The following GLIS3 variants were observed in gnomAD, a reference collection of about 807,000 sequenced individuals.
GLIS3 encodes zinc finger protein GLIS3.
A neutral mutation model predicts 78.6 loss-of-function variants in GLIS3; 53 were observed. The ratio of observed to expected loss-of-function variants is 0.67; its 90% CI spans 0.54 to 0.85. The LOEUF is 0.85. Among genes scored for constraint, GLIS3 ranks in the 40% least tolerant of loss-of-function variants. The probability of loss-of-function intolerance (pLI) is 0.00; values close to 1 mark genes in which losing one functional copy is unlikely to be tolerated. For synonymous variants in GLIS3, 684 were observed against 509.9 expected, an observed-to-expected ratio of 1.34 and a Z score of -4.60; for missense variants, 1,703 against 1,231.1, an observed-to-expected ratio of 1.38 and a Z score of -5.74.
intron 2 of GLIS3, among the ~76,000 whole-genome samples, chr9:4,195,278 G>T (rs951442827): frequency 2.0e-5 from 3 of 152,214 alleles, no homozygotes. Context: ...TGCTCCCTTG[G>T]CTTGCAGGGA....
At chr9:4,458,653 T>C in the GLIS3 span, among the ~76,000 whole-genome samples, 2 of 152,124 alleles carry the variant, frequency 1.3e-5, no homozygotes, top group South Asian at 2.1e-4. Context: ...CTGGGCATGG[T>C]GGCGCACGTC....
At chr9:4,186,849 T>A (rs144681077) in intron 2 of GLIS3, among the ~76,000 whole-genome samples, 2,934 of 152,250 alleles carry the variant, frequency 0.019, 74 homozygotes, top group African/African-American at 0.067. Context: ...TGGGGTTGTT[T>A]TTTTCTTGTA....
chr9:3,837,298 G>A (rs1167990154), intron 9 of GLIS3, among the ~76,000 whole-genome samples: 2 of 152,182 alleles, frequency 1.3e-5, no homozygotes, highest in African/African-American at 4.8e-5. Context: ...TGGCAAGGAT[G>A]TGGAGCAATG....
chr9:4,236,209 AAAG>A (rs1822736271), intron 2 of GLIS3, among the ~76,000 whole-genome samples: 109 of 130,844 alleles, frequency 8.3e-4, no homozygotes, highest in African/African-American at 2.7e-3. Context: ...AAAAAAAAAG[AAAG>A]AAAGAAAGAA....
At chr9:3,960,065 A>G (rs112520884) in intron 4 of GLIS3, among the ~76,000 whole-genome samples, 2 of 152,162 alleles carry the variant, frequency 1.3e-5, no homozygotes, top group Admixed American at 6.5e-5. Flanking sequence ...TGAACCGAGG[A>G]GGCGGAGGTT....
chr9:4,365,782 A>G, the GLIS3 span, among the ~76,000 whole-genome samples: 1 of 152,196 alleles, frequency 6.6e-6, no homozygotes. Flanking sequence ...AATATAGTGG[A>G]AAAATCACGT....
chr9:4,046,815 G>A (rs1005686604), intron 4 of GLIS3, among the ~76,000 whole-genome samples: 2 of 152,122 alleles, frequency 1.3e-5, no homozygotes, highest in African/African-American at 4.8e-5. Context: ...GAGAGACATG[G>A]CAATTCTTCT....
At chr9:4,106,184 A>G (rs1225506730) in intron 4 of GLIS3, among the ~76,000 whole-genome samples, 1 of 152,204 alleles carries the variant, frequency 6.6e-6, no homozygotes, top group Non-Finnish European at 1.5e-5. Context: ...CAGGGCCCTG[A>G]AACTTTGTCA....
chr9:4,072,120 C>A (rs1048399697), intron 4 of GLIS3, among the ~76,000 whole-genome samples: 3 of 152,188 alleles, frequency 2.0e-5, no homozygotes, highest in African/African-American at 7.2e-5. Flanking sequence ...TCATGAAAAT[C>A]AACCCTTTAT....
At chr9:4,138,156 T>G (rs1833541843) in intron 2 of GLIS3, among the ~76,000 whole-genome samples, 1 of 152,294 alleles carries the variant, frequency 6.6e-6, no homozygotes, top group East Asian at 1.9e-4. Flanking sequence ...GACACATCTG[T>G]GAAAATATAT....
intron 8 of GLIS3, among the ~76,000 whole-genome samples, chr9:3,866,136 C>A (rs1330534369): frequency 6.6e-6 from 1 of 152,176 alleles, no homozygotes; most frequent in African/African-American, 2.4e-5. Context: ...CACATTCATT[C>A]ATTTCACAAA....
At chr9:4,419,666 G>A in the GLIS3 span, among the ~76,000 whole-genome samples, 1 of 152,254 alleles carries the variant, frequency 6.6e-6, no homozygotes, top group African/African-American at 2.4e-5. Flanking sequence ...TGTAGTCCCA[G>A]CTACTTGGGA....
chr9:3,967,526 G>C (rs1451371867), intron 4 of GLIS3, among the ~76,000 whole-genome samples: 1 of 152,044 alleles, frequency 6.6e-6, no homozygotes, highest in Non-Finnish European at 1.5e-5. Context: ...AGAAAGAAAA[G>C]AAAAGAAAGA....
chr9:4,359,358 G>C, the GLIS3 span, among the ~76,000 whole-genome samples: 4 of 152,084 alleles, frequency 2.6e-5, no homozygotes, highest in African/African-American at 9.7e-5. Flanking sequence ...ACTGCTTTTG[G>C]AATCACTGTC....
chr9:4,356,143 G>C, the GLIS3 span, among the ~76,000 whole-genome samples: 23 of 152,256 alleles, frequency 1.5e-4, no homozygotes, highest in African/African-American at 5.5e-4. Context: ...GTAATGATGG[G>C]TTATAATTAG....
At chr9:4,113,678 A>C (rs1564066914) in intron 4 of GLIS3, among the ~76,000 whole-genome samples, 1 of 152,176 alleles carries the variant, frequency 6.6e-6, no homozygotes, top group Non-Finnish European at 1.5e-5. Flanking sequence ...ACATTTCCTC[A>C]AGACATGTCT....
chr9:4,309,789 G>C (rs1377639846), intron 3 of GLIS3, among the ~76,000 whole-genome samples: 2 of 151,560 alleles, frequency 1.3e-5, no homozygotes, highest in Admixed American at 6.6e-5. Context: ...GATCATCATT[G>C]CAACAAGCAA....
At chr9:3,982,040 T>G (rs1487684355) in intron 4 of GLIS3, among the ~76,000 whole-genome samples, 1 of 152,232 alleles carries the variant, frequency 6.6e-6, no homozygotes, top group Non-Finnish European at 1.5e-5. Context: ...TTGGCCTGTC[T>G]AATTCCATTA....
the GLIS3 span, among the ~76,000 whole-genome samples, chr9:4,355,467 G>A: frequency 1.8e-4 from 28 of 152,252 alleles, no homozygotes; most frequent in African/African-American, 5.8e-4. Flanking sequence ...AACTTGGCAC[G>A]AAATAGACAA....
Sources: allele counts gnomAD v4.1 joint callset (sites outside exome capture counted in the v4.1 genomes callset), GRCh38; gene constraint gnomAD v4.1.1; transcripts MANE v1.5; gene names NCBI Gene and HGNC (gene_info 2026-07-23, HGNC 2026-07-21).